Variants in SPIRE1 observed in about 807,000 individuals in gnomAD.
SPIRE1 encodes protein spire homolog 1.
A neutral mutation model predicts 94.1 loss-of-function variants in SPIRE1; 40 were observed. The observed-to-expected ratio is 0.43, with a 90% confidence interval of 0.33 to 0.55. The LOEUF (loss-of-function observed/expected upper bound fraction) is 0.55. SPIRE1 is among the 20% of genes least tolerant of loss of function. The pLI is 0.06. For synonymous variants in SPIRE1, 376 were observed against 371.7 expected (o/e 1.01, Z -0.13); for missense variants, 838 against 975.2 (o/e 0.86, Z 1.87).
chr18:12,497,413 C>T (rs2033496875), intron 6 of SPIRE1, among the ~76,000 whole-genome samples: 1 of 152,104 alleles, frequency 6.6e-6, no homozygotes, highest in Non-Finnish European at 1.5e-5. Context: ...TGTTTGTTTC[C>T]TGGTCTTGTT....
At chr18:12,584,289 G>A (rs968091864) in intron 2 of SPIRE1, among the ~76,000 whole-genome samples, 2 of 151,992 alleles carry the variant, frequency 1.3e-5, no homozygotes, top group African/African-American at 4.8e-5. Flanking sequence ...AATTAGCCGG[G>A]CATGGTGGTG....
intron 8 of SPIRE1, 101 bp downstream of exon 8, chr18:12,492,971 G>A: frequency 7.4e-7 from 1 of 1,354,494 alleles, no homozygotes; most frequent in Non-Finnish European, 1.0e-6. Flanking sequence ...ACAGAGAAAT[G>A]AACAAGGAAT....
At chr18:12,655,776 T>C (rs2038521556) in intron 1 of SPIRE1, among the ~76,000 whole-genome samples, 1 of 152,194 alleles carries the variant, frequency 6.6e-6, no homozygotes, top group Non-Finnish European at 1.5e-5. Flanking sequence ...TAAATTTAAG[T>C]GACAAGACAA....
intron 9 of SPIRE1, among the ~76,000 whole-genome samples, chr18:12,481,085 T>A (rs866335152): frequency 1.1e-4 from 16 of 151,914 alleles, no homozygotes; most frequent in African/African-American, 3.9e-4. Flanking sequence ...ATCCCAGCAC[T>A]TTGGGAGGCC....
At chr18:12,597,325 C>T (rs528886804) in intron 2 of SPIRE1, among the ~76,000 whole-genome samples, 179 of 152,198 alleles carry the variant, frequency 1.2e-3, no homozygotes, top group African/African-American at 4.3e-3. Context: ...TGGAGTGCAG[C>T]AGGCCTGAAG....
chr18:12,458,673 T>C (rs2031641658), intron 12 of SPIRE1, among the ~76,000 whole-genome samples: 1 of 152,046 alleles, frequency 6.6e-6, no homozygotes, highest in Non-Finnish European at 1.5e-5. Flanking sequence ...CCTAAAGTGG[T>C]ATATGGCCTT....
At chr18:12,586,714 T>C (rs981092971) in intron 2 of SPIRE1, among the ~76,000 whole-genome samples, 4 of 152,222 alleles carry the variant, frequency 2.6e-5, no homozygotes, top group African/African-American at 4.8e-5. Flanking sequence ...CATTTTCTAC[T>C]AGTAAAACTG....
intron 1 of SPIRE1, among the ~76,000 whole-genome samples, chr18:12,653,685 C>T (rs537019844): frequency 1.3e-5 from 2 of 152,344 alleles, no homozygotes; most frequent in South Asian, 4.1e-4. Flanking sequence ...TGGTGGCTTA[C>T]ACCTGTAATC....
At chr18:12,651,606 G>A (rs779370687) in intron 1 of SPIRE1, among the ~76,000 whole-genome samples, 4 of 152,014 alleles carry the variant, frequency 2.6e-5, no homozygotes, top group South Asian at 2.1e-4. Flanking sequence ...CCCAGGAAGC[G>A]GAGGCTGCAG....
At chr18:12,506,254 T>C (rs908145232) in intron 6 of SPIRE1, among the ~76,000 whole-genome samples, 1 of 151,834 alleles carries the variant, frequency 6.6e-6, no homozygotes, top group Non-Finnish European at 1.5e-5. Flanking sequence ...ACCTCCTGGG[T>C]TCAAGCGATT....
chr18:12,657,901 G>T lies in SPIRE1; in HGVS notation c.-35C>A. On this transcript the variant is annotated 5_prime_UTR_variant, in exon 1 of 17. Transcript: ENST00000409402. ...GGGCGCTGCGCTCGGCAGTCGCGCC[G>T]TGTGCCGGCGTCTCCTCAGCTCCGG... The T allele has an allele frequency of 9.7e-7, 1 of 1,030,826 alleles. No homozygotes were observed. 63.9% of individuals were successfully genotyped at this position (1,030,826 alleles called of 1,614,324 possible). A position where few individuals can be genotyped will look rare whatever the true frequency, so the allele number is the denominator to read the frequency against.
chr18:12,551,142 T>C (rs977582941), intron 2 of SPIRE1, among the ~76,000 whole-genome samples: 2 of 152,210 alleles, frequency 1.3e-5, no homozygotes, highest in Admixed American at 1.3e-4. Flanking sequence ...CCTCAAACCA[T>C]AATGTTTGTT....
rs199512672 is a variant in SPIRE1 at position 12,455,225 on chromosome 18, AC to A, written c.1639-743del. Among the ~76,000 whole-genome samples the A allele has an allele frequency of 8.6e-3, 1,306 of 152,334 alleles. 13 individuals are homozygous for A. The highest frequency in any genetic ancestry group is 0.013 in the Non-Finnish European group (883 of 68,030). ...AGTGCTGGGATTACAGGCGTGAGCC[AC>A]CATGCCTGGCCTGGCCCTGTTTTTA... is the stretch of plus-strand genomic sequence containing the variant. On this transcript the variant is annotated intron_variant, in intron 12 of 16. Coordinates refer to ENST00000409402, the MANE Select transcript of SPIRE1 (RefSeq NM_001128626.2).
At chr18:12,458,931 A>G (rs1342812394) in intron 12 of SPIRE1, among the ~76,000 whole-genome samples, 2 of 152,202 alleles carry the variant, frequency 1.3e-5, no homozygotes, top group Non-Finnish European at 2.9e-5. Flanking sequence ...AAGAAAGAGT[A>G]ACAAAGAAAC....
intron 2 of SPIRE1, among the ~76,000 whole-genome samples, chr18:12,631,548 C>CAAAAAAAAAAAAAAAAAAAAAAA (rs869278182): frequency 4.7e-5 from 3 of 63,792 alleles, no homozygotes; most frequent in South Asian, 7.4e-4. Context: ...CCCATCTCTA[C>CAAAAAAAAAAAAAAAAAAAAAAA]AAAAAAAAAA....
intron 16 of SPIRE1, among the ~76,000 whole-genome samples, chr18:12,451,193 G>A (rs1028591260): frequency 6.6e-6 from 1 of 152,008 alleles, no homozygotes; most frequent in Non-Finnish European, 1.5e-5. Flanking sequence ...GTCAGACTAC[G>A]GGAAATTCAA....
At position 12,484,057 on chromosome 18, in the gene SPIRE1, C is replaced by T. The variant is rs7231148; in HGVS notation, c.1231+1902G>A. 4.4e-3 allele frequency among the ~76,000 whole-genome samples: 665 copies of T among 152,234 alleles called. 2 individuals carry two copies. Among genetic ancestry groups the T allele is most frequent in the African/African-American group, 0.011 (463 of 41,528 alleles). On this transcript the variant is annotated intron_variant, in intron 9 of 16. Coordinates refer to ENST00000409402, the MANE Select transcript of SPIRE1 (RefSeq NM_001128626.2). ...AGTTTTCTTTCCAAACAGAACCCAT[C>T]GTATAGGCTGCAAGAACACAGAACA...
chr18:12,535,711 C>T, intron 3 of SPIRE1, 110 bp from the exon 4 acceptor site: 1 of 935,672 alleles, frequency 1.1e-6, no homozygotes, highest in Admixed American at 2.2e-5. Context: ...AATCCCAGCA[C>T]TTTGGGAGGC....
At chr18:12,610,701 C>T (rs919380177) in intron 2 of SPIRE1, among the ~76,000 whole-genome samples, 15 of 152,220 alleles carry the variant, frequency 9.9e-5, no homozygotes, top group African/African-American at 3.6e-4. Flanking sequence ...AATGCTCCCC[C>T]CAAAACCACG....
Sources: allele counts gnomAD v4.1 joint callset (sites outside exome capture counted in the v4.1 genomes callset), GRCh38; gene constraint gnomAD v4.1.1; transcripts MANE v1.5; gene names NCBI Gene and HGNC (gene_info 2026-07-23, HGNC 2026-07-21).